The following DOP1A variants were observed in gnomAD, a reference collection of about 807,000 sequenced individuals.
DOP1A encodes DOP1 leucine zipper like protein A.
DOP1A carries 90 observed loss-of-function variants against 267.6 expected under a neutral mutation model. The observed-to-expected ratio is 0.34, with a 90% CI of 0.28 to 0.40. The LOEUF (loss-of-function observed/expected upper bound fraction) is 0.40. Ranked by LOEUF, DOP1A falls within the 10% of genes least tolerant of loss-of-function variation. The pLI, the probability that DOP1A is intolerant of heterozygous loss-of-function variation, is 1.00. For missense variants in DOP1A, 2,437 were observed against 2,900.4 expected (o/e 0.84, Z 3.67); for synonymous variants, 932 against 999.1 (o/e 0.93, Z 1.27).
In DOP1A at chr6:83,159,784, TC is replaced by T. The variant is rs779204203; in HGVS notation, c.6798-10del. 6.2e-7 allele frequency: 1 copy of T among 1,614,156 alleles called. No homozygotes were observed. The highest frequency in any genetic ancestry group is 1.1e-5 in the South Asian group (1 of 91,084). ...GGGTCCAGCTGCTGACAGCACTGTCTCCTGCTTACAGGACTTCAGGGCCCTC... is the reference window on the plus strand; with the variant it reads ...GGGTCCAGCTGCTGACAGCACTGTCTCTGCTTACAGGACTTCAGGGCCCTC... On this transcript the variant is annotated splice_polypyrimidine_tract_variant and intron_variant, in intron 36 of 38. Transcript: ENST00000349129.
At chr6:83,109,409 A>T (rs1452922734) in intron 5 of DOP1A, among the ~76,000 whole-genome samples, 1 of 152,164 alleles carries the variant, frequency 6.6e-6, no homozygotes, top group Non-Finnish European at 1.5e-5. Context: ...ATACCTATTT[A>T]TCTGTGTTAT....
chr6:83,087,806 A>T (rs1288039813), intron 1 of DOP1A, among the ~76,000 whole-genome samples: 1 of 152,198 alleles, frequency 6.6e-6, no homozygotes, highest in African/African-American at 2.4e-5. Context: ...AATAATTAAG[A>T]CTAGAAGGCG....
intron 15 of DOP1A, 53 bp from the exon 16 acceptor site, chr6:83,128,834 T>C (rs1347733796): frequency 8.7e-6 from 13 of 1,501,868 alleles, no homozygotes; most frequent in Non-Finnish European, 1.2e-5. Context: ...TTCTAATTCC[T>C]AATATGTACA....
intron 33 of DOP1A, among the ~76,000 whole-genome samples, chr6:83,155,310 A>AG (rs1782564405): frequency 6.6e-6 from 1 of 152,030 alleles, no homozygotes; most frequent in African/African-American, 2.4e-5. Context: ...AAAAAAAAAA[A>AG]AAAAATTAAA....
chr6:83,078,647 T>G (rs1767550522), intron 1 of DOP1A, among the ~76,000 whole-genome samples: 1 of 152,198 alleles, frequency 6.6e-6, no homozygotes. Context: ...TGACAGACTT[T>G]ACAGCATTTC....
At chr6:83,148,701 A>G (rs1781013686) in intron 26 of DOP1A, 58 bp from the exon 27 acceptor site, 2 of 1,173,650 alleles carry the variant, frequency 1.7e-6, no homozygotes, top group East Asian at 5.6e-5. Context: ...AATGTTCCAC[A>G]AACTAGTAGA....
At position 83,097,018 on chromosome 6, in the gene DOP1A, A is replaced by G; in HGVS notation, c.41A>G (p.Tyr14Cys). ...CTGGAGTTATTGAGTGACTCCAAAT[A>G]CAGAAACTATGTAGCAGCAATTGAC... is the stretch of plus-strand genomic sequence containing the variant. ...EELELLSDSKYRNYVAAIDKA... is the reference protein window; with the variant it reads ...EELELLSDSKCRNYVAAIDKA... Residue 14 changes from tyrosine to cysteine, a missense_variant, in exon 3 of 39, where the codon TAC becomes TGC. By Grantham distance (194) the Tyr-to-Cys change is radical. This residue lies in a region of DOP1A where 251 missense variants were observed against 359.1 expected (regional missense o/e 0.70). Coordinates refer to ENST00000349129, the MANE Select transcript of DOP1A (RefSeq NM_015018.4). The G allele has an allele frequency of 1.2e-6, 2 of 1,614,142 alleles. No homozygotes were observed. Among genetic ancestry groups the G allele is most frequent in the Non-Finnish European group, 1.7e-6 (2 of 1,179,990 alleles).
At chr6:83,105,356 CTTTT>C (rs70987733) in intron 4 of DOP1A, among the ~76,000 whole-genome samples, 178 of 65,916 alleles carry the variant, frequency 2.7e-3, no homozygotes, top group African/African-American at 8.3e-3. Flanking sequence ...GGATGTCTTT[CTTTT>C]TTTTTTTTTT....
chr6:83,116,862 T>G (rs1163335568), intron 7 of DOP1A, among the ~76,000 whole-genome samples: 1 of 152,094 alleles, frequency 6.6e-6, no homozygotes, highest in East Asian at 1.9e-4. Context: ...TTTCCATAAT[T>G]CTACTTTTCT....
chr6:83,100,968 A>C, intron 4 of DOP1A, 82 bp downstream of exon 4: 1 of 979,968 alleles, frequency 1.0e-6, no homozygotes, highest in African/African-American at 1.7e-5. Context: ...TGCACTAAAA[A>C]CTAAAAATTG....
In DOP1A at chr6:83,100,717, A is replaced by G; in HGVS notation, c.151A>G (p.Asn51Asp). 6.8e-7 allele frequency: 1 copy of G among 1,474,602 alleles called. No homozygotes were observed. Among genetic ancestry groups the G allele is most frequent in the Non-Finnish European group, 9.0e-7 (1 of 1,109,304 alleles). The allele number at this position is 1,474,602 out of a possible 1,614,324, so 91.3% of individuals were successfully genotyped here. A position where few individuals can be genotyped will look rare whatever the true frequency, so the allele number is the denominator to read the frequency against. Reference sequence around the variant, plus strand: ...TGCTTTCTTCAAGGTTTTACAAAATAATGCAAAGTACCAAGTAGTACCCAA... The same window carrying G: ...TGCTTTCTTCAAGGTTTTACAAAATGATGCAAAGTACCAAGTAGTACCCAA... ...LGKLNKVLQN[N>D]AKYQVVPKKL... is the part of the protein sequence containing the mutation. Residue 51 changes from asparagine to aspartate, a missense_variant, in exon 4 of 39, where the codon AAT (asparagine) becomes GAT (aspartate). Asn to Asp is a conservative substitution (Grantham distance 23, BLOSUM62 1). This residue lies in a region of DOP1A where 251 missense variants were observed against 359.1 expected (regional missense o/e 0.70). Coordinates refer to ENST00000349129, the MANE Select transcript of DOP1A (RefSeq NM_015018.4).
intron 37 of DOP1A, 151 bp downstream of exon 37, chr6:83,160,111 C>G (rs1783877568): frequency 2.6e-6 from 2 of 769,510 alleles, no homozygotes; most frequent in Non-Finnish European, 2.0e-6. Flanking sequence ...GCAGAGTTAT[C>G]GGAAGTAAAT....
chr6:83,135,558 T>C, intron 19 of DOP1A, 61 bp from the exon 20 acceptor site: 2 of 1,489,844 alleles, frequency 1.3e-6, no homozygotes, highest in South Asian at 2.6e-5. Flanking sequence ...ATTAATTTTA[T>C]AAAAGAGTGT....
intron 27 of DOP1A, among the ~76,000 whole-genome samples, chr6:83,149,939 G>A (rs1781309469): frequency 6.6e-6 from 1 of 152,214 alleles, no homozygotes; most frequent in Admixed American, 6.6e-5. Context: ...TGACAATCTG[G>A]ACAGGCATCC....
intron 1 of DOP1A, among the ~76,000 whole-genome samples, chr6:83,071,304 T>G (rs1019394830): frequency 8.5e-5 from 13 of 152,134 alleles, no homozygotes; most frequent in African/African-American, 3.1e-4. Flanking sequence ...CCTCCCGGAT[T>G]CAAGGTATTC....
At chr6:83,159,749 G>A (rs1338011708) in intron 36 of DOP1A, 47 bp from the exon 37 acceptor site, 2 of 1,605,636 alleles carry the variant, frequency 1.2e-6, no homozygotes, top group Non-Finnish European at 1.7e-6. Context: ...AGGAATTCCT[G>A]TGAGTAAATG....
Position 83,098,900 on chromosome 6 carries a change from G to A in DOP1A, c.138+1785G>A, listed in dbSNP as rs184336666. Among the ~76,000 whole-genome samples, 417 of 152,238 alleles carry A rather than the reference G, an allele frequency of 2.7e-3. 3 individuals are homozygous for A. The highest frequency in any genetic ancestry group is 3.5e-3 in the Non-Finnish European group (238 of 68,016). ...AGGCCCGTCTGTCAGATTTTTCTTG[G>A]CCTCTCTACAGCATTCCTTCCTTCT... On this transcript the variant is annotated intron_variant, in intron 3 of 38. Transcript: ENST00000349129.
At chr6:83,124,641 A>T (rs1776862686) in intron 12 of DOP1A, 64 bp from the exon 13 acceptor site, 3 of 1,145,984 alleles carry the variant, frequency 2.6e-6, no homozygotes, top group Non-Finnish European at 3.9e-6. Context: ...AAGGATGATG[A>T]TGCTGTCACA....
intron 7 of DOP1A, among the ~76,000 whole-genome samples, chr6:83,115,194 CT>C (rs1255838825): frequency 2.0e-5 from 3 of 152,112 alleles, no homozygotes; most frequent in Non-Finnish European, 4.4e-5. Context: ...TTATAATAGA[CT>C]TTTTTTCATA....
Sources: gnomAD v4.1 joint callset for allele counts (sites outside exome capture counted in the v4.1 genomes callset) on GRCh38, gnomAD v4.1.1 for gene constraint, gnomAD v4.1.1 regional missense constraint, MANE v1.5 for transcripts, NCBI Gene and HGNC (gene_info 2026-07-23, HGNC 2026-07-21) for gene names.